CELF4: variants seen among roughly 807,000 people sequenced by gnomAD.
The protein encoded by CELF4 is CUGBP Elav-like family member 4, also known as CUG-BP- and ETR-3-like factor 4.
A neutral mutation model predicts 59.9 loss-of-function variants in CELF4; 18 were observed. The ratio of observed to expected loss-of-function variants is 0.30; its 90% CI spans 0.21 to 0.45. The LOEUF is 0.45. CELF4 is among the 20% of genes least tolerant of loss of function. CELF4 has a pLI of 1.00. For missense variants in CELF4, 456 were observed against 689.0 expected (o/e 0.66, Z 3.79); for synonymous variants, 261 against 267.1 (o/e 0.98, Z 0.22).
chr18:37,479,523 C>T (rs749250047), intron 2 of CELF4, among the ~76,000 whole-genome samples: 44 of 152,276 alleles, frequency 2.9e-4, no homozygotes, highest in Non-Finnish European at 6.3e-4. Flanking sequence ...AAATTGAGAG[C>T]CACTGCCCTA....
intron 2 of CELF4, among the ~76,000 whole-genome samples, chr18:37,394,505 C>T (rs1479153946): frequency 6.6e-6 from 1 of 152,272 alleles, no homozygotes; most frequent in East Asian, 1.9e-4. Context: ...GCGGCCGGCT[C>T]CCCCAAAGTG....
At chr18:37,471,696 T>G (rs2099832660) in intron 2 of CELF4, among the ~76,000 whole-genome samples, 1 of 152,144 alleles carries the variant, frequency 6.6e-6, no homozygotes, top group Non-Finnish European at 1.5e-5. Flanking sequence ...CATGTACATC[T>G]TCTCTCCTCC....
At chr18:37,325,808 GGGGTCATT>G (rs1288253465) in intron 2 of CELF4, among the ~76,000 whole-genome samples, 3 of 152,232 alleles carry the variant, frequency 2.0e-5, no homozygotes, top group Non-Finnish European at 4.4e-5. Context: ...CATGGCTCCT[GGGGTCATT>G]TTCCATGTGC....
intron 1 of CELF4, among the ~76,000 whole-genome samples, chr18:37,493,533 A>G (rs2099913523): frequency 6.6e-6 from 1 of 152,106 alleles, no homozygotes; most frequent in African/African-American, 2.4e-5. Flanking sequence ...GGCAGCAGGA[A>G]GTGGCTGCTG....
chr18:37,545,084 G>A (rs1336190539), intron 1 of CELF4, among the ~76,000 whole-genome samples: 1 of 152,240 alleles, frequency 6.6e-6, no homozygotes, highest in Non-Finnish European at 1.5e-5. Context: ...CATGTGTTCT[G>A]GGAGAGGCTG....
intron 2 of CELF4, among the ~76,000 whole-genome samples, chr18:37,396,673 G>A (rs1181631410): frequency 1.3e-5 from 2 of 152,168 alleles, no homozygotes; most frequent in Non-Finnish European, 1.5e-5. Context: ...CAGCATGGAT[G>A]AGGCGGGTGA....
At chr18:37,301,758 C>T (rs970801693) in intron 3 of CELF4, among the ~76,000 whole-genome samples, 9 of 152,346 alleles carry the variant, frequency 5.9e-5, no homozygotes, top group East Asian at 5.8e-4. Flanking sequence ...AGGCCTCACT[C>T]GGCTAATGGC....
intron 2 of CELF4, among the ~76,000 whole-genome samples, chr18:37,392,906 T>C (rs1279567237): frequency 3.3e-5 from 5 of 152,202 alleles, no homozygotes; most frequent in Non-Finnish European, 5.9e-5. Context: ...TACATTGATA[T>C]TGTTTATCGG....
chr18:37,369,895 C>T (rs2098838140), intron 2 of CELF4, among the ~76,000 whole-genome samples: 1 of 152,262 alleles, frequency 6.6e-6, no homozygotes, highest in South Asian at 2.1e-4. Flanking sequence ...GTGCCTTCTG[C>T]ATGAGAGCTG....
chr18:37,337,732 G>A (rs2097826021), intron 2 of CELF4, among the ~76,000 whole-genome samples: 1 of 152,226 alleles, frequency 6.6e-6, no homozygotes, highest in Admixed American at 6.5e-5. Context: ...TTGCCACTCA[G>A]TGACAGAAGC....
intron 1 of CELF4, among the ~76,000 whole-genome samples, chr18:37,533,993 G>T (rs1484119216): frequency 6.6e-6 from 1 of 152,210 alleles, no homozygotes; most frequent in Non-Finnish European, 1.5e-5. Flanking sequence ...AAGCGCAAAT[G>T]CTGTGAAGAC....
intron 2 of CELF4, among the ~76,000 whole-genome samples, chr18:37,414,436 A>G (rs2099509077): frequency 6.6e-6 from 1 of 151,078 alleles, no homozygotes; most frequent in Admixed American, 6.6e-5. Flanking sequence ...CCACCTATCC[A>G]ACTATCTACT....
At chr18:37,508,873 T>C (rs182885905) in intron 1 of CELF4, among the ~76,000 whole-genome samples, 7 of 152,320 alleles carry the variant, frequency 4.6e-5, no homozygotes, top group Non-Finnish European at 7.4e-5. Flanking sequence ...AGATCTAGCA[T>C]CTGTATGCTT....
At chr18:37,427,036 AC>A (rs1461914592) in intron 2 of CELF4, among the ~76,000 whole-genome samples, 1 of 40,568 alleles carries the variant, frequency 2.5e-5, no homozygotes, top group Non-Finnish European at 5.7e-5. Context: ...CAGCAGGGAC[AC>A]GGGGGGGGGG....
intron 2 of CELF4, among the ~76,000 whole-genome samples, chr18:37,377,614 A>G (rs887117252): frequency 9.8e-5 from 15 of 152,318 alleles, no homozygotes; most frequent in African/African-American, 3.6e-4. Context: ...ACATGAAATG[A>G]ATGCGCACAG....
chr18:37,468,032 G>A (rs1358991456), intron 2 of CELF4, among the ~76,000 whole-genome samples: 1 of 152,212 alleles, frequency 6.6e-6, no homozygotes, highest in Non-Finnish European at 1.5e-5. Context: ...ATCTGTATGT[G>A]CGCAAGTACA....
At chr18:37,342,678 C>T (rs2098099969) in intron 2 of CELF4, among the ~76,000 whole-genome samples, 1 of 152,196 alleles carries the variant, frequency 6.6e-6, no homozygotes, top group South Asian at 2.1e-4. Flanking sequence ...AGCTGTGTGA[C>T]CCTAGGCCAG....
At chr18:37,487,776 T>G (rs1021985595) in intron 1 of CELF4, among the ~76,000 whole-genome samples, 4 of 151,436 alleles carry the variant, frequency 2.6e-5, no homozygotes, top group African/African-American at 7.3e-5. Flanking sequence ...GGAGGAGGAG[T>G]AGGAGGAGGA....
chr18:37,264,702 A>G lies in CELF4; in HGVS notation c.1221T>C (p.Pro407=), dbSNP rs1397179811. 6.3e-7 allele frequency: 1 copy of G among 1,579,530 alleles called. No individual in the cohort carries two copies. The highest frequency in any genetic ancestry group is 8.6e-7 in the Non-Finnish European group (1 of 1,161,878). The change falls in exon 10 of 13, where the codon CCT becomes CCC. Residue 407 remains proline, a synonymous_variant. Coordinates refer to ENST00000420428, the MANE Select transcript of CELF4 (RefSeq NM_020180.4). ...CTCTCTGCTGCTGGGGGATCATTGG[A>G]GGCGGCTGAGGAAAGGCCTGGCTTA... ...GQISQAFPQP[P]PMIPQQQREG... is the part of the protein sequence containing the mutation.
Sources: allele counts gnomAD v4.1 joint callset (sites outside exome capture counted in the v4.1 genomes callset), GRCh38; gene constraint gnomAD v4.1.1; transcripts MANE v1.5; gene names NCBI Gene and HGNC (gene_info 2026-07-23, HGNC 2026-07-21).